Variants in MYH7B observed in about 807,000 individuals in gnomAD.
MYH7B encodes myosin-7B.
Under a neutral mutation model 234.5 loss-of-function variants are expected in MYH7B, and 205 were observed. The observed-to-expected ratio is 0.87, with a 90% CI of 0.78 to 0.98. The LOEUF is 0.98. Ranked by LOEUF, MYH7B falls within the 50% of genes least tolerant of loss-of-function variation. The probability of loss-of-function intolerance (pLI) is 0.00; values close to 1 mark genes in which losing one functional copy is unlikely to be tolerated. For synonymous variants in MYH7B, 1,193 were observed against 1,105.0 expected (o/e 1.08, Z -1.58); for missense variants, 2,652 against 2,633.4 (o/e 1.01, Z -0.15).
rs747467166 is a variant in MYH7B at position 34,984,681 on chromosome 20, T to G, written c.625-11T>G. The G allele has an allele frequency of 6.2e-7, 1 of 1,604,170 alleles. No homozygotes were observed. Among genetic ancestry groups the G allele is most frequent in the African/African-American group, 1.3e-5 (1 of 74,152 alleles). Reference sequence around the variant, plus strand: ...CCTGGCCCTCTAATGTTGTCTGTCTTCTTCCCCCAGCAATTTCTGGCAACA... The same window carrying G: ...CCTGGCCCTCTAATGTTGTCTGTCTGCTTCCCCCAGCAATTTCTGGCAACA... On this transcript the variant is annotated splice_polypyrimidine_tract_variant and intron_variant, in intron 10 of 44. Coordinates refer to ENST00000262873, the Ensembl canonical transcript of MYH7B.
chr20:34,980,779 G>A (rs369238070), intron 8 of MYH7B, 45 bp downstream of exon 8: 2 of 1,597,856 alleles, frequency 1.3e-6, no homozygotes, highest in African/African-American at 1.3e-5. Flanking sequence ...CCCCGACCTC[G>A]GTCCCGGGAG....
rs537867017 is a variant in MYH7B, at chr20:35,002,101, G to A, written c.5814+16G>A. On this transcript the variant is annotated intron_variant, in intron 44 of 44. Transcript: ENST00000262873. ...GGGCCCCAAGGTGAGGAGTGGCAGG[G>A]GCATTGCTCTCTGTGCAGGGGGACT... 6.8e-6 allele frequency: 11 copies of A among 1,612,754 alleles called. No individual in the cohort carries two copies. The highest frequency in any genetic ancestry group is 9.3e-6 in the Non-Finnish European group (11 of 1,179,860).
intron 32 of MYH7B, 150 bp from the exon 33 acceptor site, chr20:34,998,145 C>A: frequency 1.1e-6 from 1 of 938,050 alleles, no homozygotes; most frequent in Non-Finnish European, 1.6e-6. Flanking sequence ...GAATCTCTTT[C>A]CCTGACTTTG....
In MYH7B at chr20:34,990,894, G is replaced by A. The variant is rs1344168754; in HGVS notation, c.2065+69G>A. The A allele has an allele frequency of 2.5e-6, 4 of 1,589,474 alleles. No individual in the cohort carries two copies. The African/African-American group carries it at 4.0e-5, about 16-fold the overall frequency. On this transcript the variant is annotated intron_variant, in intron 23 of 44. Coordinates refer to ENST00000262873, the Ensembl canonical transcript of MYH7B. Reference sequence around the variant, plus strand: ...GGGAAGGTGACAGGGCAGAGGCCGGGAGGCTGAGTACATCTTCCCCCTCAC... The same window carrying A: ...GGGAAGGTGACAGGGCAGAGGCCGGAAGGCTGAGTACATCTTCCCCCTCAC...
chr20:34,996,549 G>A (rs764943351), intron 29 of MYH7B, 27 bp downstream of exon 29: 2 of 1,603,650 alleles, frequency 1.2e-6, no homozygotes, highest in Non-Finnish European at 1.7e-6. Context: ...CCGAGACTGG[G>A]TGGCGGGGCC....
rs974663199 is a variant in MYH7B, at chr20:34,979,991, G to A, written c.342+187G>A. On this transcript the variant is annotated intron_variant, in intron 7 of 44. Transcript: ENST00000262873. The stretch of plus-strand genomic sequence containing the variant: ...GCGATGAGGCGGGGCTCTGAGCAGT[G>A]GGGGCGGGGCTGGAGGTTGGGCCTT... 5 of 645,006 alleles carry A rather than the reference G, an allele frequency of 7.8e-6. No homozygotes were observed. The African/African-American group carries it at 9.3e-5, about 12-fold the overall frequency. 40.0% of individuals were successfully genotyped at this position (645,006 alleles called of 1,614,324 possible).
intron 38 of MYH7B, among the ~76,000 whole-genome samples, 167 bp from the exon 39 acceptor site, chr20:35,000,126 G>T (rs1370544322): frequency 6.6e-6 from 1 of 152,176 alleles, no homozygotes; most frequent in Non-Finnish European, 1.5e-5. Context: ...CCTCACTCTT[G>T]TCCATGAACT....
exon 30 of MYH7B, chr20:34,996,654 C>T: frequency 6.2e-7 from 1 of 1,613,376 alleles, no homozygotes; most frequent in Non-Finnish European, 8.5e-7. Flanking sequence ...TGCGCATGGA[C>T]ACGGAGCGGG....
chr20:34,989,010 A>G (rs1414717170), intron 19 of MYH7B, among the ~76,000 whole-genome samples: 1 of 152,088 alleles, frequency 6.6e-6, no homozygotes, highest in Non-Finnish European at 1.5e-5. Flanking sequence ...TGGCTTCACC[A>G]TTTTGGCCAG....
In MYH7B at chr20:34,999,395, G is replaced by C. The variant is rs3746435; in HGVS notation, c.4530G>C (p.Lys1510Asn). ...TGGAGACGCTCAAGCGGGAGAACAA[G>C]AACCTGCAGGGTAGGACCTGCCACA... Residue 1510 changes from lysine (K) to asparagine (N), a missense_variant, in exon 36 of 45, where the codon AAG (lysine) becomes AAC (asparagine). This residue lies in a region of MYH7B where 2,279 missense variants were observed against 2,211.4 expected (regional missense o/e 1.03). Transcript: ENST00000262873. 282,861 of 1,516,006 alleles carry C rather than the reference G, an allele frequency of 0.19. 27,454 individuals carry two copies. Among genetic ancestry groups the C allele is most frequent in the Middle Eastern group, 0.33 (1,860 of 5,650 alleles). 93.9% of individuals were successfully genotyped at this position (1,516,006 alleles called of 1,614,324 possible). A position where few individuals can be genotyped will look rare whatever the true frequency, so the allele number is the denominator to read the frequency against.
exon 32 of MYH7B, chr20:34,997,277 G>T: frequency 6.4e-7 from 1 of 1,557,986 alleles, no homozygotes; most frequent in South Asian, 1.2e-5. Flanking sequence ...TGGAAGAGGA[G>T]CTGGAGGCAG....
In MYH7B at chr20:34,977,914, T is replaced by C. The variant is rs1354293790; in HGVS notation, c.-72-20T>C. On this transcript the variant is annotated intron_variant, in intron 4 of 44. Coordinates refer to ENST00000262873, the Ensembl canonical transcript of MYH7B. ...GGGATCGTGCCCTAGTTCAGCTCCC[T>C]TGTCACTGCCATCTTCCAGTGCCTG... is the stretch of plus-strand genomic sequence containing the variant. 1 of 1,612,724 alleles carries C rather than the reference T, an allele frequency of 6.2e-7. No individual in the cohort carries two copies. The highest frequency in any genetic ancestry group is 8.5e-7 in the Non-Finnish European group (1 of 1,179,988).
At position 34,993,477 on chromosome 20, in the gene MYH7B, G is replaced by A. The variant is rs770196469; in HGVS notation, c.2444+7G>A. On this transcript the variant is annotated splice_region_variant and intron_variant, in intron 26 of 44. Transcript: ENST00000262873. ...AGCGCCTGCTGGGAGGCAGGTGGGT[G>A]TGGGAAGGAGGCTGGGGACAGGGTG... The A allele has an allele frequency of 2.5e-6, 4 of 1,585,960 alleles. No individual in the cohort carries two copies. The highest frequency in any genetic ancestry group is 1.8e-5 in the Admixed American group (1 of 55,380).
intron 2 of MYH7B, among the ~76,000 whole-genome samples, chr20:34,962,961 G>A (rs1019524811): frequency 3.3e-5 from 5 of 152,214 alleles, no homozygotes; most frequent in African/African-American, 9.6e-5. Context: ...AGCTGGGCGT[G>A]GTGGCGCACA....
chr20:34,982,479 A>C, exon 10 of MYH7B: 4 of 1,614,020 alleles, frequency 2.5e-6, no homozygotes, highest in Non-Finnish European at 3.4e-6. Flanking sequence ...GGGGCCGGTA[A>C]GACGGTTAAC....
chr20:34,979,890 C>CGGTGG (rs1360583159), intron 7 of MYH7B, 86 bp downstream of exon 7: 4 of 1,248,378 alleles, frequency 3.2e-6, no homozygotes, highest in Non-Finnish European at 4.2e-6. Flanking sequence ...GGGCCCATAG[C>CGGTGG]GGTGGGGCGG....
chr20:34,988,033 C>A (rs1030499295), intron 18 of MYH7B, 59 bp from the exon 19 acceptor site: 2 of 1,581,560 alleles, frequency 1.3e-6, no homozygotes, highest in African/African-American at 1.3e-5. Context: ...TGCCCCTCCC[C>A]GGGCCTCCCT....
At chr20:34,980,291 G>C in intron 7 of MYH7B, 2 of 377,910 alleles carry the variant, frequency 5.3e-6, no homozygotes, top group South Asian at 7.2e-5. Context: ...GCCCATGCCT[G>C]TAATCCCAGC....
chr20:34,977,066 C>A (rs1444507201), intron 3 of MYH7B, among the ~76,000 whole-genome samples: 1 of 124,720 alleles, frequency 8.0e-6, no homozygotes, highest in Non-Finnish European at 1.7e-5. Context: ...TCCCCCCTCT[C>A]TCTCTCCCTC....
Sources: allele counts gnomAD v4.1 joint callset (sites outside exome capture counted in the v4.1 genomes callset), GRCh38; gene constraint gnomAD v4.1.1; regional missense constraint gnomAD v4.1.1; transcripts MANE v1.5; gene names NCBI Gene and HGNC (gene_info 2026-07-23, HGNC 2026-07-21).